Variants in NCOR1 observed in about 807,000 individuals in gnomAD.
NCOR1 encodes nuclear receptor corepressor 1.
A neutral mutation model predicts 288.1 loss-of-function variants in NCOR1; 63 were observed. The ratio of observed to expected loss-of-function variants is 0.22; its 90% CI spans 0.18 to 0.27. The LOEUF is 0.27. Among genes scored for constraint, NCOR1 ranks in the 10% least tolerant of loss-of-function variants. The pLI is 1.00. For missense variants in NCOR1, 2,397 were observed against 3,019.2 expected (o/e 0.79, Z 4.83); for synonymous variants, 1,007 against 1,065.9 (o/e 0.94, Z 1.08).
intron 23 of NCOR1, among the ~76,000 whole-genome samples, 193 bp from the exon 24 acceptor site, chr17:16,080,920 T>G (rs778006651): frequency 1.1e-4 from 17 of 151,908 alleles, no homozygotes; most frequent in Non-Finnish European, 2.1e-4. Flanking sequence ...AAAAAAAATT[T>G]TAAAGGGAGT....
At chr17:16,168,208 T>A (rs550685793) in intron 4 of NCOR1, among the ~76,000 whole-genome samples, 8 of 152,268 alleles carry the variant, frequency 5.3e-5, no homozygotes, top group Admixed American at 2.6e-4. Flanking sequence ...TTTATTTATT[T>A]TTATTTTTTG....
intron 18 of NCOR1, among the ~76,000 whole-genome samples, chr17:16,115,133 G>A (rs1425051241): frequency 6.6e-6 from 1 of 152,184 alleles, no homozygotes; most frequent in Non-Finnish European, 1.5e-5. Context: ...CTTGGGGCTT[G>A]CACCCTCTGA....
rs1456798431 is a variant in NCOR1 at position 16,029,786 on chromosome 17, ACT to A, written c.*2508_*2509del. ...AACCAAGAACTATTATTGGATTTTA[ACT>A]CTCATTCTGAGATTTCTTCTCCAGG... On this transcript the variant is annotated 3_prime_UTR_variant, in exon 46 of 46. Coordinates refer to ENST00000268712, the MANE Select transcript of NCOR1 (RefSeq NM_006311.4). 6.6e-6 allele frequency: 1 copy of A among 152,430 alleles called. No individual in the cohort carries two copies. Among genetic ancestry groups the A allele is most frequent in the Non-Finnish European group, 1.5e-5 (1 of 68,230 alleles). 9.4% of individuals were successfully genotyped at this position (152,430 alleles called of 1,614,324 possible).
At chr17:16,070,058 G>T (rs2061567098) in intron 31 of NCOR1, 107 bp downstream of exon 31, 1 of 1,381,454 alleles carries the variant, frequency 7.2e-7, no homozygotes, top group Non-Finnish European at 9.7e-7. Context: ...TGTAGATCTT[G>T]GGATACTCTA....
Position 16,213,489 on chromosome 17 carries a change from C to CAA in NCOR1, c.-71+1871_-71+1872dup, listed in dbSNP as rs537795184. ...CCTGGGTGACAGAGCAAGACTGTCT[C>CAA]AAAAAAAAAAAAAAAAAAAAGATAA... On this transcript the variant is annotated intron_variant, in intron 1 of 45. Transcript: ENST00000268712. 9.1e-4 allele frequency among the ~76,000 whole-genome samples: 71 copies of CAA among 78,126 alleles called. 3 individuals are homozygous for CAA. The highest frequency in any genetic ancestry group is 9.1e-3 in the East Asian group (22 of 2,428). 51.3% of individuals were successfully genotyped at this position (78,126 alleles called of 152,430 possible). A position where few individuals can be genotyped will look rare whatever the true frequency, so the allele number is the denominator to read the frequency against.
chr17:16,078,707 C>G (rs1272515081), intron 26 of NCOR1, among the ~76,000 whole-genome samples: 2 of 152,106 alleles, frequency 1.3e-5, no homozygotes, highest in Non-Finnish European at 2.9e-5. Flanking sequence ...TCCTGAGTAG[C>G]TGGGATTACA....
intron 38 of NCOR1, 200 bp downstream of exon 38, chr17:16,058,271 C>G: frequency 1.1e-6 from 1 of 878,026 alleles, no homozygotes. Context: ...CAGAAGTAAG[C>G]AAACAAAATT....
chr17:16,045,307 ATTAC>A (rs1298521909), intron 42 of NCOR1, among the ~76,000 whole-genome samples: 1 of 152,156 alleles, frequency 6.6e-6, no homozygotes, highest in Non-Finnish European at 1.5e-5. Context: ...CTGCAGCCTC[ATTAC>A]TTACTAGATA....
At chr17:16,090,798 C>T (rs1292901905) in intron 22 of NCOR1, among the ~76,000 whole-genome samples, 2 of 152,146 alleles carry the variant, frequency 1.3e-5, no homozygotes, top group Non-Finnish European at 2.9e-5. Flanking sequence ...GTGATCTGGG[C>T]AGAGTCAGCA....
At chr17:16,094,112 A>G (rs11871961) in intron 21 of NCOR1, among the ~76,000 whole-genome samples, 63,311 of 151,442 alleles carry the variant, frequency 0.42, 15,104 homozygotes, top group Middle Eastern at 0.56. Context: ...TATGTTGCCC[A>G]AGCTGGTCTT....
At chr17:16,036,901 T>C (rs1448622835) in intron 44 of NCOR1, among the ~76,000 whole-genome samples, 3 of 152,236 alleles carry the variant, frequency 2.0e-5, no homozygotes, top group African/African-American at 7.2e-5. Context: ...TTCAAAAACT[T>C]TTCCTTTGCA....
intron 3 of NCOR1, among the ~76,000 whole-genome samples, chr17:16,185,008 CAAAAAAAAA>C (rs34725978): frequency 9.2e-5 from 9 of 97,352 alleles, no homozygotes; most frequent in Admixed American, 3.6e-4. Flanking sequence ...GAATCTTAAA[CAAAAAAAAA>C]AAAAAAAAAA....
intron 14 of NCOR1, among the ~76,000 whole-genome samples, chr17:16,127,096 T>G (rs965431393): frequency 8.6e-6 from 1 of 116,526 alleles, no homozygotes; most frequent in Non-Finnish European, 1.9e-5. Flanking sequence ...AAGTTTATCA[T>G]AGGTGTGTGT....
In NCOR1 at chr17:16,091,945, C is replaced by G; in HGVS notation, c.2934G>C (p.Gln978His). Residue 978 changes from glutamine (Q) to histidine (H), a missense_variant, in exon 22 of 46, where the codon CAG (glutamine) becomes CAC (histidine). This residue lies in a region of NCOR1 where 1,872 missense variants were observed against 2,187.8 expected (regional missense o/e 0.86). Coordinates refer to ENST00000268712, the MANE Select transcript of NCOR1 (RefSeq NM_006311.4). ...HESALLEEQR[Q>H]RQEQIDLECR... ...ATTCCAAATCTATCTGTTCTTGTCT[C>G]TGCCGCTGCTCCTCCAGGAGTGCTG... 6.2e-7 allele frequency: 1 copy of G among 1,614,236 alleles called. No homozygotes were observed. Among genetic ancestry groups the G allele is most frequent in the Non-Finnish European group, 8.5e-7 (1 of 1,180,040 alleles).
At chr17:16,205,838 G>A (rs1268506313) in intron 1 of NCOR1, among the ~76,000 whole-genome samples, 4 of 150,588 alleles carry the variant, frequency 2.7e-5, no homozygotes, top group African/African-American at 7.3e-5. Flanking sequence ...TAGGGAGGCT[G>A]AGGCAGGAGA....
Position 16,093,457 on chromosome 17 carries a change from GTTTTA to G in NCOR1, c.2821-1404_2821-1400del, listed in dbSNP as rs375640493. 3.7e-3 allele frequency among the ~76,000 whole-genome samples: 570 copies of G among 152,266 alleles called. 5 individuals carry two copies. Among genetic ancestry groups the G allele is most frequent in the African/African-American group, 0.013 (538 of 41,554 alleles). On this transcript the variant is annotated intron_variant, in intron 21 of 45. Coordinates refer to ENST00000268712, the MANE Select transcript of NCOR1 (RefSeq NM_006311.4). ...ACACAGTATTTGCCAGTTTGAAACT[GTTTTA>G]TTTTTCTGTCTCTCTGACTTTATGA...
chr17:16,117,761 G>T, intron 18 of NCOR1, 127 bp downstream of exon 18: 1 of 984,028 alleles, frequency 1.0e-6, no homozygotes, highest in Non-Finnish European at 1.4e-6. Flanking sequence ...GGAAGAGTTT[G>T]CAGTGAGCCA....
chr17:16,113,992 T>C (rs888446256), intron 18 of NCOR1, among the ~76,000 whole-genome samples: 3 of 152,056 alleles, frequency 2.0e-5, no homozygotes, highest in African/African-American at 7.2e-5. Flanking sequence ...CATTATGTAT[T>C]AGTTCATTTT....
rs534042745 is a variant in NCOR1 at position 16,149,948 on chromosome 17, A to AT, written c.843-432dup. On this transcript the variant is annotated intron_variant, in intron 8 of 45. Coordinates refer to ENST00000268712, the MANE Select transcript of NCOR1 (RefSeq NM_006311.4). ...TTCTACGAGGAAAATGTATACCAAC[A>AT]TATGTAGAGATAGGTGACTTCTGCT... is the stretch of plus-strand genomic sequence containing the variant. Among the ~76,000 whole-genome samples, 44 of 152,258 alleles carry AT rather than the reference A, an allele frequency of 2.9e-4. 1 individual carries two copies. In the South Asian group the frequency reaches 8.7e-3, roughly 30 times the overall value.
Sources: allele counts gnomAD v4.1 joint callset (sites outside exome capture counted in the v4.1 genomes callset), GRCh38; gene constraint gnomAD v4.1.1; regional missense constraint gnomAD v4.1.1; transcripts MANE v1.5; gene names NCBI Gene and HGNC (gene_info 2026-07-23, HGNC 2026-07-21).